Variants in AGTRAP observed in about 807,000 individuals in gnomAD.
AGTRAP encodes angiotensin II receptor associated protein.
AGTRAP carries 7 observed loss-of-function variants against 15.2 expected under a neutral mutation model. The observed-to-expected ratio is 0.46, with a 90% CI of 0.26 to 0.87. AGTRAP has a LOEUF of 0.87. AGTRAP is among the 40% of genes least tolerant of loss of function. The pLI, the probability that AGTRAP is intolerant of heterozygous loss-of-function variation, is 0.15. For missense variants in AGTRAP, 187 were observed against 213.4 expected (o/e 0.88, Z 0.77); for synonymous variants, 74 against 89.6 (o/e 0.83, Z 0.98).
intron 4 of AGTRAP, 43 bp from the exon 5 acceptor site, chr1:11,750,034 T>C: frequency 6.5e-7 from 1 of 1,527,592 alleles, no homozygotes; most frequent in Non-Finnish European, 9.0e-7. Flanking sequence ...TCCCGAGTTC[T>C]CACCCTTCAT....
At chr1:11,738,084 GT>G (rs1641943507) in intron 1 of AGTRAP, among the ~76,000 whole-genome samples, 1 of 152,184 alleles carries the variant, frequency 6.6e-6, no homozygotes, top group Non-Finnish European at 1.5e-5. Flanking sequence ...CTGTATTTTT[GT>G]TTGCTGGATC....
At chr1:11,746,528 G>A in intron 2 of AGTRAP, 2 of 297,240 alleles carry the variant, frequency 6.7e-6, no homozygotes, top group South Asian at 7.7e-5. Flanking sequence ...TAATAAATGA[G>A]GTAGACTCAG....
At chr1:11,739,053 C>T (rs998473076) in intron 1 of AGTRAP, among the ~76,000 whole-genome samples, 1 of 152,152 alleles carries the variant, frequency 6.6e-6, no homozygotes, top group African/African-American at 2.4e-5. Context: ...GAGATCCTGA[C>T]GGTGTAGCAC....
At position 11,750,090 on chromosome 1, in the gene AGTRAP, T is replaced by C. The variant is rs371795218; in HGVS notation, c.378T>C (p.Ser126=). ...ELLVHTGFLG[S]SQDRSAYQTI... is the part of the protein sequence containing the mutation. ...CCTGTCACCTAGGTTTCCTTGGGTC[T>C]TCTCAGGACCGTAGTGCCTACCAGA... Residue 126 remains serine, a synonymous_variant, in exon 5 of 5, where the codon TCT becomes TCC. Transcript: ENST00000314340. 2 of 1,613,908 alleles carry C rather than the reference T, an allele frequency of 1.2e-6. No homozygotes were observed. The highest frequency in any genetic ancestry group is 1.7e-6 in the Non-Finnish European group (2 of 1,179,972).
rs1557707067 is a variant in AGTRAP at position 11,750,300 on chromosome 1, C to A, written c.*108C>A. 1.0e-6 allele frequency: 1 copy of A among 993,282 alleles called. No individual in the cohort carries two copies. Among genetic ancestry groups the A allele is most frequent in the Non-Finnish European group, 1.5e-6 (1 of 651,328 alleles). 61.5% of individuals were successfully genotyped at this position (993,282 alleles called of 1,614,324 possible). Reference sequence around the variant, plus strand: ...TCTTGGACCTAAGATGGAATGTGTCCCCAGCTCAGGGATTGCCTGAACCAA... The same window carrying A: ...TCTTGGACCTAAGATGGAATGTGTCACCAGCTCAGGGATTGCCTGAACCAA... On this transcript the variant is annotated 3_prime_UTR_variant, in exon 5 of 5. Transcript: ENST00000314340.
chr1:11,746,550 CT>C (rs1642168865), intron 2 of AGTRAP: 1 of 245,734 alleles, frequency 4.1e-6, no homozygotes, highest in Admixed American at 5.0e-5. Flanking sequence ...CCCTGTCCCC[CT>C]GAGTCTTCCT....
At chr1:11,737,324 C>T (rs1444927314) in intron 1 of AGTRAP, among the ~76,000 whole-genome samples, 1 of 152,166 alleles carries the variant, frequency 6.6e-6, no homozygotes, top group East Asian at 1.9e-4. Context: ...AAGAAATTTA[C>T]GTGACAGCAG....
chr1:11,748,302 C>T (rs529429126), intron 3 of AGTRAP, 113 bp from the exon 4 acceptor site: 241 of 1,216,166 alleles, frequency 2.0e-4, no homozygotes, highest in Middle Eastern at 1.2e-3. Flanking sequence ...TCCATTTTCC[C>T]GCAAGCCCCA....
chr1:11,750,222 C>T lies in AGTRAP; in HGVS notation c.*30C>T, dbSNP rs764096530. On this transcript the variant is annotated 3_prime_UTR_variant, in exon 5 of 5. Coordinates refer to ENST00000314340, the MANE Select transcript of AGTRAP (RefSeq NM_020350.5). Reference sequence around the variant, plus strand: ...AGCCACGCTGCGCCCGGCCCTGCCCCGGGCCTTCCTCGTGCCTGGGAGGTC... The same window carrying T: ...AGCCACGCTGCGCCCGGCCCTGCCCTGGGCCTTCCTCGTGCCTGGGAGGTC... 16 of 1,579,936 alleles carry T rather than the reference C, an allele frequency of 1.0e-5. No homozygotes were observed. Among genetic ancestry groups the T allele is most frequent in the African/African-American group, 4.0e-5 (3 of 74,252 alleles).
intron 1 of AGTRAP, among the ~76,000 whole-genome samples, chr1:11,738,660 C>T (rs754117282): frequency 2.6e-4 from 40 of 152,188 alleles, no homozygotes; most frequent in Non-Finnish European, 5.6e-4. Context: ...GAAGAGCCAA[C>T]AGCTGTTCTG....
chr1:11,742,556 G>C (rs947105076), intron 1 of AGTRAP, among the ~76,000 whole-genome samples: 5 of 147,632 alleles, frequency 3.4e-5, no homozygotes, highest in African/African-American at 1.3e-4. Context: ...TTTCTGGCAG[G>C]ATCTTGCTCT....
Position 11,748,533 on chromosome 1 carries a change from T to C in AGTRAP, c.287T>C (p.Leu96Ser), listed in dbSNP as rs1261579516. 6.2e-7 allele frequency: 1 copy of C among 1,611,994 alleles called. No individual in the cohort carries two copies. Among genetic ancestry groups the C allele is most frequent in the Admixed American group, 1.7e-5 (1 of 60,026 alleles). The change falls in exon 4 of 5, where the codon TTG (leucine) becomes TCG (serine). Residue 96 changes from leucine (L) to serine (S), a missense_variant. Transcript: ENST00000314340. ...RFGVGMAILSLLLKPLSCCFV... is the reference protein window; with the variant it reads ...RFGVGMAILSSLLKPLSCCFV... ...GGCGTGGGCATGGCCATCCTCAGCT[T>C]GCTGCTCAAGCCGCTCTCCTGCTGC...
intron 1 of AGTRAP, among the ~76,000 whole-genome samples, chr1:11,737,460 G>A (rs1271946409): frequency 2.6e-5 from 4 of 152,208 alleles, no homozygotes; most frequent in South Asian, 2.1e-4. Context: ...AGGGCAGTGG[G>A]AGGGACAGAG....
Position 11,738,810 on chromosome 1 carries a change from C to A in AGTRAP, c.27+2575C>A, listed in dbSNP as rs149646519. 1.2e-3 allele frequency among the ~76,000 whole-genome samples: 182 copies of A among 152,292 alleles called. 1 individual carries two copies. Among genetic ancestry groups the A allele is most frequent in the African/African-American group, 4.2e-3 (174 of 41,560 alleles). ...CATCCTTGGCAGCCCTGACTGGTGT[C>A]CCTGGGCCCCGGCCACCCTGGGGGA... On this transcript the variant is annotated intron_variant, in intron 1 of 4. Coordinates refer to ENST00000314340, the MANE Select transcript of AGTRAP (RefSeq NM_020350.5).
At chr1:11,740,661 C>G (rs1642009779) in intron 1 of AGTRAP, among the ~76,000 whole-genome samples, 1 of 152,152 alleles carries the variant, frequency 6.6e-6, no homozygotes, top group South Asian at 2.1e-4. Context: ...CAGAGGCCCC[C>G]CTGGGACTCA....
At chr1:11,740,914 A>G (rs1557701934) in intron 1 of AGTRAP, among the ~76,000 whole-genome samples, 1 of 151,766 alleles carries the variant, frequency 6.6e-6, no homozygotes, top group Non-Finnish European at 1.5e-5. Context: ...GGATGTTGGG[A>G]CCACTGTGGC....
intron 2 of AGTRAP, chr1:11,746,172 G>A (rs1322821647): frequency 6.2e-7 from 1 of 1,613,696 alleles, no homozygotes. Context: ...AAACCATTGA[G>A]CTCACCTGTG....
chr1:11,744,451 G>A, intron 1 of AGTRAP: 1 of 681,706 alleles, frequency 1.5e-6, no homozygotes. Flanking sequence ...AGGCCCTCAG[G>A]CCCCCCTACC....
At chr1:11,749,759 G>A (rs899612449) in intron 4 of AGTRAP, among the ~76,000 whole-genome samples, 20 of 152,164 alleles carry the variant, frequency 1.3e-4, no homozygotes, top group African/African-American at 3.9e-4. Context: ...CTTTGGACTC[G>A]GCTGCCTAGG....
Sources: allele counts gnomAD v4.1 joint callset (sites outside exome capture counted in the v4.1 genomes callset), GRCh38; gene constraint gnomAD v4.1.1; transcripts MANE v1.5; gene names NCBI Gene and HGNC (gene_info 2026-07-23, HGNC 2026-07-21).